The following MBNL3 variants were observed in gnomAD, a reference collection of about 807,000 sequenced individuals.
MBNL3 encodes the protein muscleblind like splicing regulator 3.
MBNL3 carries 6 observed loss-of-function variants against 24.5 expected under a neutral mutation model. That is an observed-to-expected ratio of 0.25 (90% CI 0.13 to 0.48). MBNL3 has a LOEUF of 0.48. Among genes scored for constraint, MBNL3 ranks in the 20% least tolerant of loss-of-function variants. The probability of loss-of-function intolerance (pLI) is 0.99; values close to 1 mark genes in which losing one functional copy is unlikely to be tolerated. For synonymous variants in MBNL3, 100 were observed against 101.7 expected (o/e 0.98, Z 0.10); for missense variants, 230 against 293.5 (o/e 0.78, Z 1.58).
chrX:132,398,128 A>C (rs1350126097), intron 3 of MBNL3, among the ~76,000 whole-genome samples: 3 of 111,642 alleles, frequency 2.7e-5, no homozygotes, highest in Non-Finnish European at 5.7e-5. Context: ...AGTAAGAGGA[A>C]CCATTGAAGG....
chrX:132,464,939 G>T (rs1334147982), intron 1 of MBNL3, among the ~76,000 whole-genome samples: 1 of 111,466 alleles, frequency 9.0e-6, no homozygotes, highest in Non-Finnish European at 1.9e-5. Context: ...CAGCTACTTG[G>T]GAGGCTGAGG....
At chrX:132,467,730 G>C (rs1946965224) in intron 1 of MBNL3, among the ~76,000 whole-genome samples, 1 of 111,608 alleles carries the variant, frequency 9.0e-6, no homozygotes, top group African/African-American at 3.3e-5. Flanking sequence ...ACAGGCTTCT[G>C]TTTTTCTGTG....
rs1047218665 is a variant in MBNL3 at position 132,372,898 on chromosome X, G to C, written c.*6768C>G. The C allele has an allele frequency of 9.0e-6, 1 of 111,149 alleles. No homozygotes were observed. The highest frequency in any genetic ancestry group is 1.9e-5 in the Non-Finnish European group (1 of 52,940). The allele number at this position is 111,149 out of a possible 1,213,427, so 9.2% of individuals were successfully genotyped here. Reference sequence around the variant, plus strand: ...TAATTGTGGATGGATTCTATTTAAAGATAAAATTTCTCTTCAATAATCCAG... The same window carrying C: ...TAATTGTGGATGGATTCTATTTAAACATAAAATTTCTCTTCAATAATCCAG... On this transcript the variant is annotated 3_prime_UTR_variant, in exon 9 of 9. Transcript: ENST00000370853.
intron 1 of MBNL3, among the ~76,000 whole-genome samples, chrX:132,462,647 G>A (rs1024255769): frequency 1.8e-5 from 2 of 111,500 alleles, no homozygotes; most frequent in African/African-American, 6.6e-5. Flanking sequence ...AGAAACCAGT[G>A]TGTGTGGAGG....
intron 1 of MBNL3, among the ~76,000 whole-genome samples, chrX:132,488,307 A>G (rs1948114746): frequency 9.0e-6 from 1 of 111,585 alleles, no homozygotes; most frequent in Admixed American, 9.4e-5. Context: ...CTTAAATGTC[A>G]ACTTTCATTA....
intron 1 of MBNL3, among the ~76,000 whole-genome samples, chrX:132,484,326 T>C (rs1947891096): frequency 8.9e-6 from 1 of 112,392 alleles, no homozygotes; most frequent in Non-Finnish European, 1.9e-5. Flanking sequence ...CAAAAACAAG[T>C]TAGAAAGATT....
chrX:132,418,621 T>G (rs1943512689), intron 2 of MBNL3, among the ~76,000 whole-genome samples: 1 of 112,547 alleles, frequency 8.9e-6, no homozygotes, highest in African/African-American at 3.2e-5. Flanking sequence ...CAACTGGCTG[T>G]TAGGTATGTC....
chrX:132,396,563 T>C (rs1938746382), intron 3 of MBNL3, among the ~76,000 whole-genome samples: 2 of 56,926 alleles, frequency 3.5e-5, no homozygotes, highest in South Asian at 2.1e-3. Context: ...TTCCTATATA[T>C]ATTCCTATAT....
At chrX:132,448,206 C>T in intron 1 of MBNL3, among the ~76,000 whole-genome samples, 1 of 111,769 alleles carries the variant, frequency 8.9e-6, no homozygotes, top group African/African-American at 3.3e-5. Flanking sequence ...GGAATAGTTT[C>T]AGAAGGAATG....
chrX:132,430,524 A>G (rs1003799824), intron 2 of MBNL3: 1 of 111,628 alleles, frequency 9.0e-6, no homozygotes, highest in Non-Finnish European at 1.9e-5. Context: ...CTTGTCTTTC[A>G]TGACCATGAC....
At chrX:132,399,054 C>T (rs1880899039) in intron 3 of MBNL3, among the ~76,000 whole-genome samples, 1 of 111,405 alleles carries the variant, frequency 9.0e-6, no homozygotes, top group Non-Finnish European at 1.9e-5. Flanking sequence ...AAATACCTGT[C>T]ACAGAGTATA....
intron 4 of MBNL3, 130 bp downstream of exon 4, chrX:132,392,013 T>C: frequency 1.9e-6 from 1 of 518,567 alleles, no homozygotes; most frequent in Admixed American, 4.2e-5. Context: ...TACTAAAATG[T>C]TTAACAACCC....
At chrX:132,428,514 T>TA (rs56677705) in intron 2 of MBNL3, among the ~76,000 whole-genome samples, 10,203 of 94,485 alleles carry the variant, frequency 0.11, 568 homozygotes, top group African/African-American at 0.21. Context: ...CATCAAAAAT[T>TA]AAAAAAAAAA....
chrX:132,384,694 T>C lies in MBNL3; in HGVS notation c.927A>G (p.Pro309=). Reference sequence around the variant, plus strand: ...TTGAAGCGGGTGCCATGCACAGTATTGGCCCTGTACACCACGCAGAAAAGC... The same window carrying C: ...TTGAAGCGGGTGCCATGCACAGTATCGGCCCTGTACACCACGCAGAAAAGC... ...LPQPAFIPAG[P]ILCMAPASNI... Residue 309 remains proline (P), a synonymous_variant, in exon 7 of 9, where the codon CCA becomes CCG. Transcript: ENST00000370853. 1 of 1,188,165 alleles carries C rather than the reference T, an allele frequency of 8.4e-7. No individual in the cohort carries two copies. Among genetic ancestry groups the C allele is most frequent in the Non-Finnish European group, 1.1e-6 (1 of 882,421 alleles).
At chrX:132,445,726 T>A (rs1016784806) in intron 1 of MBNL3, among the ~76,000 whole-genome samples, 1 of 111,849 alleles carries the variant, frequency 8.9e-6, no homozygotes, top group Non-Finnish European at 1.9e-5. Flanking sequence ...ACATCTTTTT[T>A]AAAAAGATGT....
chrX:132,443,984 TCCG>T lies in MBNL3; in HGVS notation c.-703-3673_-703-3671del, dbSNP rs769157211. 3.9e-3 allele frequency among the ~76,000 whole-genome samples: 24 copies of T among 6,150 alleles called. 2 individuals carry two copies. Among genetic ancestry groups the T allele is most frequent in the East Asian group, 5.3e-3 (1 of 187 alleles). The allele number at this position is 6,150 out of a possible 115,157, so 5.3% of individuals were successfully genotyped here. A position where few individuals can be genotyped will look rare whatever the true frequency, so the allele number is the denominator to read the frequency against. ...AAACTCAAGCAGCCTGACTCCAGAG[TCCG>T]CCCCCCCCCCCCCCCCCCACCTACT... On this transcript the variant is annotated intron_variant, in intron 1 of 8. Transcript: ENST00000370853.
intron 5 of MBNL3, among the ~76,000 whole-genome samples, chrX:132,390,170 G>C (rs945807971): frequency 4.8e-5 from 5 of 104,177 alleles, no homozygotes; most frequent in African/African-American, 1.8e-4. Context: ...CCTAGCCTGG[G>C]CAACAGAGTG....
At chrX:132,442,890 A>G (rs942031156) in intron 1 of MBNL3, among the ~76,000 whole-genome samples, 1 of 112,216 alleles carries the variant, frequency 8.9e-6, no homozygotes, top group African/African-American at 3.2e-5. Context: ...AACTAAGTGC[A>G]ACACTCAAGG....
intron 1 of MBNL3, among the ~76,000 whole-genome samples, chrX:132,469,172 C>A (rs755109685): frequency 1.8e-5 from 2 of 112,172 alleles, no homozygotes; most frequent in South Asian, 3.7e-4. Flanking sequence ...CAGAACTATA[C>A]GCAGGGTTTC....
Sources: gnomAD v4.1 joint callset for allele counts (sites outside exome capture counted in the v4.1 genomes callset) on GRCh38, gnomAD v4.1.1 for gene constraint, MANE v1.5 for transcripts, NCBI Gene and HGNC (gene_info 2026-07-23, HGNC 2026-07-21) for gene names.